FOXP1: variants seen among roughly 807,000 people sequenced by gnomAD.
The protein encoded by FOXP1 is forkhead box P1.
FOXP1 carries 15 observed loss-of-function variants against 98.2 expected under a neutral mutation model. That is an observed-to-expected ratio of 0.15 (90% confidence interval 0.10 to 0.24). The LOEUF (loss-of-function observed/expected upper bound fraction) is 0.24, where lower values mean the gene tolerates loss of function less well. Among genes scored for constraint, FOXP1 ranks in the 10% least tolerant of loss-of-function variants. The pLI is 1.00. For synonymous variants in FOXP1, 371 were observed against 314.5 expected (o/e 1.18, Z -1.90); for missense variants, 633 against 848.5 (o/e 0.75, Z 3.15).
chr3:71,160,571 A>G (rs571118278), intron 6 of FOXP1, among the ~76,000 whole-genome samples: 1 of 152,368 alleles, frequency 6.6e-6, no homozygotes, highest in Admixed American at 6.5e-5. Flanking sequence ...AATGGTAGCA[A>G]CTAGCCACAT....
intron 3 of FOXP1, among the ~76,000 whole-genome samples, chr3:71,466,370 C>G (rs2088739110): frequency 2.0e-5 from 3 of 152,338 alleles, no homozygotes; most frequent in African/African-American, 7.2e-5. Flanking sequence ...AGGGATACAA[C>G]ACAAATGTAT....
Position 70,957,550 on chromosome 3 carries a change from A to G in FOXP1, c.*1697T>C, listed in dbSNP as rs1376571357. On this transcript the variant is annotated 3_prime_UTR_variant, in exon 21 of 21. Coordinates refer to ENST00000649528, the MANE Select transcript of FOXP1 (RefSeq NM_001349338.3). ...GAAAAAAGGTACAAAGAAAGAATAT[A>G]AATTAAGCTTCGAAAGGCTCTCGAA... The G allele has an allele frequency of 4.3e-6, 1 of 232,006 alleles. No individual in the cohort carries two copies. Among genetic ancestry groups the G allele is most frequent in the African/African-American group, 2.2e-5 (1 of 45,266 alleles). 14.4% of individuals were successfully genotyped at this position (232,006 alleles called of 1,614,324 possible). A position where few individuals can be genotyped will look rare whatever the true frequency, so the allele number is the denominator to read the frequency against.
intron 4 of FOXP1, among the ~76,000 whole-genome samples, chr3:71,314,889 T>A (rs1053977863): frequency 2.0e-5 from 3 of 151,670 alleles, no homozygotes; most frequent in Non-Finnish European, 4.4e-5. Flanking sequence ...TTCAAGTCTG[T>A]GCATATAGAT....
chr3:71,249,794 A>T (rs896035952), intron 5 of FOXP1, among the ~76,000 whole-genome samples: 2 of 152,180 alleles, frequency 1.3e-5, no homozygotes, highest in Non-Finnish European at 2.9e-5. Flanking sequence ...AAGACAGAAG[A>T]ATAAAGGGAA....
intron 3 of FOXP1, among the ~76,000 whole-genome samples, chr3:71,469,524 C>A (rs932373964): frequency 6.6e-6 from 1 of 152,154 alleles, no homozygotes; most frequent in Non-Finnish European, 1.5e-5. Context: ...AAGCAAATTT[C>A]TTGAGTCATT....
At chr3:71,288,636 GCAAATCTC>G (rs1377711642) in intron 5 of FOXP1, among the ~76,000 whole-genome samples, 7 of 152,256 alleles carry the variant, frequency 4.6e-5, no homozygotes, top group Admixed American at 3.9e-4. Flanking sequence ...TATTTAAACT[GCAAATCTC>G]CAAACCATCA....
chr3:71,445,805 G>A (rs578237256), intron 3 of FOXP1, among the ~76,000 whole-genome samples: 150 of 150,736 alleles, frequency 1.0e-3, no homozygotes, highest in African/African-American at 3.4e-3. Flanking sequence ...CTCCTGCCTC[G>A]GCCTCCCAAG....
intron 3 of FOXP1, among the ~76,000 whole-genome samples, chr3:71,387,120 G>A (rs1338128881): frequency 6.6e-6 from 1 of 152,170 alleles, no homozygotes; most frequent in African/African-American, 2.4e-5. Context: ...TTTTCAGCAA[G>A]CTCTAGCTGA....
intron 3 of FOXP1, among the ~76,000 whole-genome samples, chr3:71,485,969 A>T (rs1048890428): frequency 7.9e-5 from 12 of 152,224 alleles, no homozygotes; most frequent in African/African-American, 2.4e-4. Flanking sequence ...TAAATAAGTC[A>T]GATTCCACCT....
chr3:70,976,589 T>C (rs1013063837), intron 17 of FOXP1, among the ~76,000 whole-genome samples: 2 of 152,202 alleles, frequency 1.3e-5, no homozygotes, highest in African/African-American at 4.8e-5. Context: ...TCTCTGCAAA[T>C]ATCGGCTGTG....
chr3:71,098,420 G>T (rs1219522135), intron 7 of FOXP1, among the ~76,000 whole-genome samples: 1 of 152,128 alleles, frequency 6.6e-6, no homozygotes, highest in Non-Finnish European at 1.5e-5. Flanking sequence ...CGCACTACAG[G>T]AATGTTCTGA....
chr3:71,157,694 GC>G (rs1255314775), intron 6 of FOXP1, among the ~76,000 whole-genome samples: 1 of 152,080 alleles, frequency 6.6e-6, no homozygotes, highest in East Asian at 1.9e-4. Context: ...TTCTTTTCTG[GC>G]CTTTCATGAA....
At chr3:71,197,593 G>C in intron 6 of FOXP1, among the ~76,000 whole-genome samples, 1 of 152,080 alleles carries the variant, frequency 6.6e-6, no homozygotes, top group East Asian at 1.9e-4. Context: ...AAAGCAGTAA[G>C]ACTTAGCCAC....
intron 20 of FOXP1, among the ~76,000 whole-genome samples, chr3:70,961,630 AT>A (rs140091662): frequency 3.0e-4 from 44 of 147,180 alleles, no homozygotes; most frequent in Non-Finnish European, 2.7e-4. Flanking sequence ...ACGGATGGGG[AT>A]TTTTTTTTTT....
chr3:71,405,102 T>C (rs1281736067), intron 3 of FOXP1, among the ~76,000 whole-genome samples: 1 of 152,132 alleles, frequency 6.6e-6, no homozygotes, highest in East Asian at 1.9e-4. Context: ...CTTGCCAGCC[T>C]TTACGTGGAG....
intron 3 of FOXP1, among the ~76,000 whole-genome samples, chr3:71,468,705 G>T (rs942713893): frequency 6.6e-6 from 1 of 151,866 alleles, no homozygotes; most frequent in Admixed American, 6.6e-5. Context: ...CCCTTTCCTT[G>T]TTTTCCCCCT....
intron 6 of FOXP1, among the ~76,000 whole-genome samples, chr3:71,145,234 T>A (rs918842335): frequency 6.6e-5 from 10 of 152,144 alleles, no homozygotes; most frequent in Non-Finnish European, 1.3e-4. Flanking sequence ...ATTTATTTAT[T>A]TTTTTTAAAG....
chr3:71,491,777 G>A (rs1031970232), intron 3 of FOXP1, among the ~76,000 whole-genome samples: 3 of 152,076 alleles, frequency 2.0e-5, no homozygotes, highest in African/African-American at 7.2e-5. Context: ...CAGTTTCTCT[G>A]GACAATAAAA....
chr3:71,174,329 T>C (rs1480196542), intron 6 of FOXP1, among the ~76,000 whole-genome samples: 1 of 152,104 alleles, frequency 6.6e-6, no homozygotes, highest in Admixed American at 6.6e-5. Flanking sequence ...TCCCAGCTAC[T>C]GGGGAGGGTG....
Sources: gnomAD v4.1 joint callset for allele counts (sites outside exome capture counted in the v4.1 genomes callset) on GRCh38, gnomAD v4.1.1 for gene constraint, MANE v1.5 for transcripts, NCBI Gene and HGNC (gene_info 2026-07-23, HGNC 2026-07-21) for gene names.